KMT2D: variants seen among roughly 807,000 people sequenced by gnomAD.
KMT2D encodes lysine methyltransferase 2D, also known as histone-lysine N-methyltransferase 2D.
In KMT2D, 55 loss-of-function variants were observed where a neutral mutation model predicts 512.7. That is an observed-to-expected ratio of 0.11 (90% CI 0.09 to 0.13). The LOEUF (loss-of-function observed/expected upper bound fraction) is 0.13. Among genes scored for constraint, KMT2D ranks in the 10% least tolerant of loss-of-function variants. KMT2D has a pLI of 1.00. For synonymous variants in KMT2D, 2,995 were observed against 2,904.0 expected, an observed-to-expected ratio of 1.03 and a Z score of -1.01; for missense variants, 6,061 against 7,127.9, an observed-to-expected ratio of 0.85 and a Z score of 5.39.
At position 49,031,622 on chromosome 12, in the gene KMT2D, A is replaced by G. The variant is rs1348773821; in HGVS notation, c.13083T>C (p.Ala4361=). 6.2e-7 allele frequency: 1 copy of G among 1,601,428 alleles called. No homozygotes were observed. Among genetic ancestry groups the G allele is most frequent in the East Asian group, 2.2e-5 (1 of 44,476 alleles). ...ACAAGGTATCTGCAAGCTGGGCAGC[A>G]GCAGGTGAGACCCTCCCAGGAGGCG... ...LEPPPGRVSP[A]AAQLADTLFS... The change falls in exon 40 of 55, where the codon GCT becomes GCC. Residue 4361 remains alanine, a synonymous_variant. Coordinates refer to ENST00000301067, the MANE Select transcript of KMT2D (RefSeq NM_003482.4).
intron 1 of KMT2D, among the ~76,000 whole-genome samples, chr12:49,057,710 C>T (rs558718956): frequency 6.6e-6 from 1 of 152,292 alleles, no homozygotes; most frequent in South Asian, 2.1e-4. Context: ...GGCCCCTGAA[C>T]ATATCTAAAC....
At chr12:49,025,092 G>A in intron 49 of KMT2D, 146 bp from the exon 50 acceptor site, 1 of 967,420 alleles carries the variant, frequency 1.0e-6, no homozygotes, top group Non-Finnish European at 1.5e-6. Flanking sequence ...TCCTCTCTTG[G>A]CCTCCTAGTC....
rs1943373318 is a variant in KMT2D at position 49,039,296 on chromosome 12, C to T, written c.8292G>A (p.Gly2764=). 3 of 1,613,644 alleles carry T rather than the reference C, an allele frequency of 1.9e-6. No individual in the cohort carries two copies. Among genetic ancestry groups the T allele is most frequent in the Non-Finnish European group, 2.5e-6 (3 of 1,179,868 alleles). ...SKLSGPILGP[G]SFPSDDRLSR... is the part of the protein sequence containing the mutation. ...AGAGTCGGTCATCGCTAGGGAAGGA[C>T]CCTGGCCCCAGGATGGGGCCACTCA... is the stretch of plus-strand genomic sequence containing the variant. The change falls in exon 34 of 55, where the codon GGG becomes GGA. Residue 2764 remains glycine, a synonymous_variant. Coordinates refer to ENST00000301067, the MANE Select transcript of KMT2D (RefSeq NM_003482.4). The surrounding 1 kb of genome is among the most constrained non-coding windows in gnomAD (Gnocchi z 5.0).
intron 49 of KMT2D, among the ~76,000 whole-genome samples, 183 bp downstream of exon 49, chr12:49,025,999 G>A (rs937198152): frequency 1.1e-4 from 17 of 152,192 alleles, no homozygotes; most frequent in African/African-American, 4.1e-4. Context: ...AGGGAATTTA[G>A]GGTGACAAGA....
intron 35 of KMT2D, 26 bp downstream of exon 35, chr12:49,037,099 T>G: frequency 6.5e-7 from 1 of 1,538,400 alleles, no homozygotes; most frequent in Non-Finnish European, 8.8e-7. Flanking sequence ...CCTGAGTAAC[T>G]TGGCTATGTT....
chr12:49,048,777 G>A lies in KMT2D; in HGVS notation c.4021-8C>T, dbSNP rs2120626798. The A allele has an allele frequency of 1.3e-6, 2 of 1,563,490 alleles. No individual in the cohort carries two copies. Among genetic ancestry groups the A allele is most frequent in the Non-Finnish European group, 1.8e-6 (2 of 1,139,214 alleles). On this transcript the variant is annotated splice_region_variant and splice_polypyrimidine_tract_variant and intron_variant, in intron 13 of 54. Transcript: ENST00000301067. ...GCTATCAATGTCAGCAACCTGATGG[G>A]CAGAGAGTTATGGAAAGTGAGGCAG...
rs766046826 is a variant in KMT2D, at chr12:49,054,183, CCAGA to C, written c.511-47_511-44del. On this transcript the variant is annotated intron_variant, in intron 5 of 54. Coordinates refer to ENST00000301067, the MANE Select transcript of KMT2D (RefSeq NM_003482.4). The surrounding 1 kb of genome is among the most constrained non-coding windows in gnomAD (Gnocchi z 6.4). ...GAGCCTCAGTGTCAGCCAGCTCTCC[CCAGA>C]CAAACAGTTCAGGCACTAGCTCTGC... The C allele has an allele frequency of 6.4e-7, 1 of 1,553,200 alleles. No homozygotes were observed. The highest frequency in any genetic ancestry group is 2.4e-5 in the East Asian group (1 of 41,986).
In KMT2D at chr12:49,046,517, T is replaced by C; in HGVS notation, c.4418+92A>G. On this transcript the variant is annotated intron_variant, in intron 16 of 54. Coordinates refer to ENST00000301067, the MANE Select transcript of KMT2D (RefSeq NM_003482.4). The surrounding 1 kb of genome is among the most constrained non-coding windows in gnomAD (Gnocchi z 4.2). ...GGAAACCCAAGCCACCAGCCTGGCC[T>C]CCTAAACCCAGCCTCTGTCACATAC... 1 of 1,578,436 alleles carries C rather than the reference T, an allele frequency of 6.3e-7. No homozygotes were observed. The highest frequency in any genetic ancestry group is 8.6e-7 in the Non-Finnish European group (1 of 1,158,114).
rs776887182 is a variant in KMT2D, at chr12:49,040,487, C to T, written c.7283G>A (p.Arg2428Gln). Residue 2428 changes from arginine to glutamine, a missense_variant, in exon 32 of 55, where the codon CGG (arginine) becomes CAG (glutamine). Around this residue, in one of 16 missense-constraint regions of KMT2D, gnomAD observed 710 missense variants for 647.3 expected, o/e 1.10. Transcript: ENST00000301067. The part of the protein sequence containing the change: ...QSSSQSPLTP[R>Q]PLSAEAFCPS... ...GCAAAAAGCTTCAGCAGACAGAGGC[C>T]GGGGTGTCAGTGGAGACTGGGAGCT... 7.6e-6 allele frequency: 12 copies of T among 1,576,138 alleles called. 1 individual carries two copies. Among genetic ancestry groups the T allele is most frequent in the Admixed American group, 5.3e-5 (3 of 56,244 alleles).
rs2120680618 is a variant in KMT2D at position 49,052,053 on chromosome 12, G to A, written c.1630C>T (p.Pro544Ser). The part of the protein sequence containing the change: ...TPLSPPPEAS[P>S]LSPPFEESPL... Reference sequence around the variant, plus strand: ...GATTCTTCAAATGGTGGGGACAGGGGCGATGCTTCAGGTGGTGGGGATAGA... The same window carrying A: ...GATTCTTCAAATGGTGGGGACAGGGACGATGCTTCAGGTGGTGGGGATAGA... The change falls in exon 11 of 55, where the codon CCC (proline) becomes TCC (serine). Residue 544 changes from proline (P) to serine (S), a missense_variant. Transcript: ENST00000301067. 1 of 1,613,492 alleles carries A rather than the reference G, an allele frequency of 6.2e-7. No homozygotes were observed. Among genetic ancestry groups the A allele is most frequent in the Non-Finnish European group, 8.5e-7 (1 of 1,179,702 alleles).
At chr12:49,029,563 A>G (rs1419129356) in intron 43 of KMT2D, 87 bp from the exon 44 acceptor site, 11 of 935,210 alleles carry the variant, frequency 1.2e-5, no homozygotes, top group Admixed American at 6.4e-5. Context: ...CCTAATTAGC[A>G]TGAGATCTCA....
Position 49,051,795 on chromosome 12 carries a change from G to A in KMT2D, c.1888C>T (p.Pro630Ser), listed in dbSNP as rs377135124. Reference protein sequence around the residue: ...PPEASRLSPPPEDSPMSPPPE... With the variant: ...PPEASRLSPPSEDSPMSPPPE... ...GGTGGGGACATAGGCGAGTCCTCAG[G>A]TGGTGGGGACAGGCGTGATGCCTCA... Residue 630 changes from proline to serine, a missense_variant, in exon 11 of 55, where the codon CCT (proline) becomes TCT (serine). Physicochemically the swap from Pro to Ser is moderately conservative, Grantham distance 74 (BLOSUM62 -1). Around this residue, in one of 16 missense-constraint regions of KMT2D, gnomAD observed 848 missense variants for 838.5 expected, o/e 1.01. Transcript: ENST00000301067. 3.0e-5 allele frequency: 49 copies of A among 1,612,592 alleles called. No homozygotes were observed. Among genetic ancestry groups the A allele is most frequent in the Non-Finnish European group, 4.2e-5 (49 of 1,178,996 alleles).
In KMT2D at chr12:49,026,176, G is replaced by A. The variant is rs2137714579; in HGVS notation, c.15784+6C>T. ...ATATTATCCATTTCAAGGGCCCACT[G>A]CTCACCCTGGGGAGAGGCGTCAGTG... On this transcript the variant is annotated splice_donor_region_variant and intron_variant, in intron 49 of 54. Coordinates refer to ENST00000301067, the MANE Select transcript of KMT2D (RefSeq NM_003482.4). This position sits in a 1 kb window ranked among gnomAD's most constrained non-coding sequence, Gnocchi z 9.6. The A allele has an allele frequency of 6.4e-7, 1 of 1,560,734 alleles. No homozygotes were observed. The highest frequency in any genetic ancestry group is 8.7e-7 in the Non-Finnish European group (1 of 1,150,256).
Position 49,037,850 on chromosome 12 carries a change from C to T in KMT2D, c.9506G>A (p.Gly3169Asp), listed in dbSNP as rs529813839. Residue 3169 changes from glycine to aspartate, a missense_variant, in exon 35 of 55, where the codon GGC (glycine) becomes GAC (aspartate). Physicochemically the swap from Gly to Asp is moderately conservative, Grantham distance 94 (BLOSUM62 -1). Coordinates refer to ENST00000301067, the MANE Select transcript of KMT2D (RefSeq NM_003482.4). ...CCCACTGCTAGAAAATGGCCCTGTGCCCATCCGGGTATCCCGGCTGCCCAT... is the reference window on the plus strand; with the variant it reads ...CCCACTGCTAGAAAATGGCCCTGTGTCCATCCGGGTATCCCGGCTGCCCAT... ...SMMGSRDTRM[G>D]TGPFSSSGHT... The T allele has an allele frequency of 6.3e-7, 1 of 1,596,188 alleles. No homozygotes were observed. Among genetic ancestry groups the T allele is most frequent in the Admixed American group, 1.7e-5 (1 of 57,496 alleles).
At chr12:49,058,701 C>G (rs530281519) in intron 1 of KMT2D, among the ~76,000 whole-genome samples, 1 of 152,148 alleles carries the variant, frequency 6.6e-6, no homozygotes, top group Non-Finnish European at 1.5e-5. Context: ...GGTACAGGAT[C>G]AGAAAACCAG....
At position 49,049,910 on chromosome 12, in the gene KMT2D, G is replaced by C. The variant is rs2120642621; in HGVS notation, c.3678C>G (p.Leu1226=). 1.2e-6 allele frequency: 2 copies of C among 1,613,938 alleles called. No individual in the cohort carries two copies. The highest frequency in any genetic ancestry group is 8.5e-7 in the Non-Finnish European group (1 of 1,179,882). The change falls in exon 12 of 55, where the codon CTC becomes CTG. Residue 1226 remains leucine (L), a synonymous_variant. Coordinates refer to ENST00000301067, the MANE Select transcript of KMT2D (RefSeq NM_003482.4). ...ASASFPGSEP[L]LGSPDPEGGG... ...CCCCCTCCGGGTCTGGAGAGCCCAGGAGGGGCTCTGAGCCAGGAAAACTGG... is the reference window on the plus strand; with the variant it reads ...CCCCCTCCGGGTCTGGAGAGCCCAGCAGGGGCTCTGAGCCAGGAAAACTGG...
rs1374087453 is a variant in KMT2D, at chr12:49,052,168, G to A, written c.1515C>T (p.Pro505=). 2 of 1,612,118 alleles carry A rather than the reference G, an allele frequency of 1.2e-6. No homozygotes were observed. The highest frequency in any genetic ancestry group is 1.7e-6 in the Non-Finnish European group (2 of 1,179,260). ...GAGAAAAAGGTGATGATTCAGGTGGGGGAGACAGAGGAGACTCCTCAGGCG... is the reference window on the plus strand; with the variant it reads ...GAGAAAAAGGTGATGATTCAGGTGGAGGAGACAGAGGAGACTCCTCAGGCG... ...SPPPEESPLS[P]PPESSPFSPL... Residue 505 remains proline, a synonymous_variant, in exon 11 of 55, where the codon CCC becomes CCT. Transcript: ENST00000301067.
At chr12:49,034,693 A>C (rs1943131368) in intron 36 of KMT2D, 27 bp from the exon 37 acceptor site, 2 of 1,608,566 alleles carry the variant, frequency 1.2e-6, no homozygotes, top group Non-Finnish European at 1.7e-6. Context: ...CACAGAAGAT[A>C]AGTGTTGGCA....
At chr12:49,029,537 CT>C in intron 43 of KMT2D, 61 bp from the exon 44 acceptor site, 1 of 1,265,916 alleles carries the variant, frequency 7.9e-7, no homozygotes, top group Non-Finnish European at 1.1e-6. Flanking sequence ...ATGGTACCTT[CT>C]CCCAATATTT....
Sources: gnomAD v4.1 joint callset for allele counts (sites outside exome capture counted in the v4.1 genomes callset) on GRCh38, gnomAD v4.1.1 for gene constraint, gnomAD v4.1.1 regional missense constraint, Gnocchi (gnomAD v3.1) non-coding constraint, MANE v1.5 for transcripts, NCBI Gene and HGNC (gene_info 2026-07-23, HGNC 2026-07-21) for gene names.